KLHL20: variants seen among roughly 807,000 people sequenced by gnomAD.
KLHL20 encodes kelch-like protein 20.
In KLHL20, 29 loss-of-function variants were observed where a neutral mutation model predicts 69.5. The observed-to-expected ratio is 0.42, with a 90% CI of 0.31 to 0.57. The LOEUF (loss-of-function observed/expected upper bound fraction) is 0.57. Among genes scored for constraint, KLHL20 ranks in the 20% least tolerant of loss-of-function variants. KLHL20 has a pLI of 0.18. For synonymous variants in KLHL20, 253 were observed against 265.2 expected (o/e 0.95, Z 0.45); for missense variants, 419 against 776.0 (o/e 0.54, Z 5.47).
At chr1:173,766,647 GA>G (rs59947652) in intron 8 of KLHL20, among the ~76,000 whole-genome samples, 10,794 of 123,692 alleles carry the variant, frequency 0.087, 1,177 homozygotes, top group African/African-American at 0.27. Flanking sequence ...TATCAAGGGG[GA>G]AAAAAAAAAA....
chr1:173,774,225 T>A, intron 8 of KLHL20, 80 bp from the exon 9 acceptor site: 1 of 1,537,280 alleles, frequency 6.5e-7, no homozygotes, highest in South Asian at 1.1e-5. Flanking sequence ...ACTCAGTATA[T>A]CGTTAGTGTG....
At chr1:173,729,082 A>G (rs1318804933) in intron 2 of KLHL20, among the ~76,000 whole-genome samples, 1 of 152,230 alleles carries the variant, frequency 6.6e-6, no homozygotes, top group Admixed American at 6.5e-5. Flanking sequence ...CTACCATCAG[A>G]GAATACTATA....
intron 3 of KLHL20, among the ~76,000 whole-genome samples, chr1:173,750,500 T>G (rs1673257642): frequency 6.6e-6 from 1 of 151,674 alleles, no homozygotes; most frequent in Non-Finnish European, 1.5e-5. Flanking sequence ...TTTTTTTTTT[T>G]TTTGAGATGG....
At chr1:173,775,576 A>C in intron 9 of KLHL20, 58 bp from the exon 10 acceptor site, 1 of 1,421,190 alleles carries the variant, frequency 7.0e-7, no homozygotes, top group South Asian at 1.2e-5. Context: ...TATAAAGAAA[A>C]CTGGAGGTGA....
rs185771151 is a variant in KLHL20, at chr1:173,725,923, G to A, written c.24-7790G>A. 7.7e-4 allele frequency among the ~76,000 whole-genome samples: 117 copies of A among 152,302 alleles called. 1 individual carries two copies. The highest frequency in any genetic ancestry group is 2.5e-3 in the African/African-American group (103 of 41,554). On this transcript the variant is annotated intron_variant, in intron 2 of 11. Coordinates refer to ENST00000209884, the MANE Select transcript of KLHL20 (RefSeq NM_014458.4). ...TGCAGGACAGTGGGTGCAGCACACC[G>A]AGCGTGAGCCAAAGCAGGGCGAGGC...
At chr1:173,777,962 T>C (rs1648583791) in intron 10 of KLHL20, among the ~76,000 whole-genome samples, 1 of 152,190 alleles carries the variant, frequency 6.6e-6, no homozygotes, top group South Asian at 2.1e-4. Context: ...TCCTCTATGT[T>C]TGGAGTAGTT....
intron 3 of KLHL20, 46 bp from the exon 4 acceptor site, chr1:173,751,718 A>C (rs763066557): frequency 1.3e-6 from 2 of 1,583,856 alleles, no homozygotes; most frequent in Non-Finnish European, 1.7e-6. Flanking sequence ...TGAGACAATA[A>C]ATGTGATCAC....
chr1:173,777,428 C>T (rs1041825471), intron 10 of KLHL20, among the ~76,000 whole-genome samples: 1 of 152,114 alleles, frequency 6.6e-6, no homozygotes, highest in Non-Finnish European at 1.5e-5. Context: ...ATTGCTCTAC[C>T]TAGGACTTCC....
chr1:173,715,471 A>G (rs1671426331), intron 1 of KLHL20: 1 of 152,326 alleles, frequency 6.6e-6, no homozygotes. Context: ...ACTGAAGGAA[A>G]TGCTTGTAAA....
At chr1:173,756,160 TATAGCTTGA>T in intron 6 of KLHL20, 122 bp downstream of exon 6, 1 of 692,728 alleles carries the variant, frequency 1.4e-6, no homozygotes, top group Admixed American at 2.5e-5. Context: ...TAAGTCAGCA[TATAGCTTGA>T]CTCATAACCC....
At chr1:173,774,202 A>G (rs1648299013) in intron 8 of KLHL20, 103 bp from the exon 9 acceptor site, 1 of 1,328,536 alleles carries the variant, frequency 7.5e-7, no homozygotes. Flanking sequence ...ATTTGACTAT[A>G]GCAAGTCCGT....
Position 173,766,167 on chromosome 1 carries a change from G to A in KLHL20, c.1173G>A (p.Gln391=). ...SVERYDPKTN[Q]WSSDVAPTST... is the part of the protein sequence containing the mutation. ...TCAGGTATGACCCCAAAACAAACCA[G>A]TGGAGCAGTGATGTGGCCCCTACAA... Residue 391 remains glutamine (Q), a synonymous_variant, in exon 8 of 12, where the codon CAG becomes CAA. Coordinates refer to ENST00000209884, the MANE Select transcript of KLHL20 (RefSeq NM_014458.4). 6.2e-7 allele frequency: 1 copy of A among 1,608,850 alleles called. No homozygotes were observed. The highest frequency in any genetic ancestry group is 8.5e-7 in the Non-Finnish European group (1 of 1,177,990).
chr1:173,779,871 A>T (rs1486504172), intron 10 of KLHL20, among the ~76,000 whole-genome samples: 1 of 152,184 alleles, frequency 6.6e-6, no homozygotes, highest in African/African-American at 2.4e-5. Flanking sequence ...TATAGTATAG[A>T]CCAGATCAGA....
rs7524363 is a variant in KLHL20 at position 173,717,409 on chromosome 1, C to T, written c.23+1343C>T. Reference sequence around the variant, plus strand: ...TCTAGTGCTGTTAATCGTTAAGCTACGGCTCTTTCTTCATCACTGTCACTT... The same window carrying T: ...TCTAGTGCTGTTAATCGTTAAGCTATGGCTCTTTCTTCATCACTGTCACTT... On this transcript the variant is annotated intron_variant, in intron 2 of 11. Coordinates refer to ENST00000209884, the MANE Select transcript of KLHL20 (RefSeq NM_014458.4). Among the ~76,000 whole-genome samples, 495 of 152,300 alleles carry T rather than the reference C, an allele frequency of 3.3e-3. 2 individuals are homozygous for T. Among genetic ancestry groups the T allele is most frequent in the African/African-American group, 0.011 (475 of 41,564 alleles).
chr1:173,727,721 G>T (rs757623891), intron 2 of KLHL20, among the ~76,000 whole-genome samples: 3 of 152,136 alleles, frequency 2.0e-5, no homozygotes, highest in African/African-American at 7.2e-5. Context: ...GTCACCACCA[G>T]ACCTGCCCGA....
chr1:173,772,420 T>C (rs1202260142), intron 8 of KLHL20, among the ~76,000 whole-genome samples: 1 of 152,178 alleles, frequency 6.6e-6, no homozygotes, highest in Non-Finnish European at 1.5e-5. Context: ...CACTTAAATA[T>C]ATGAGTTCTT....
intron 3 of KLHL20, among the ~76,000 whole-genome samples, chr1:173,748,454 A>G (rs1673165760): frequency 6.6e-6 from 1 of 152,180 alleles, no homozygotes; most frequent in Non-Finnish European, 1.5e-5. Context: ...GGTTTATATT[A>G]TTAATTAATG....
rs1649201547 is a variant in KLHL20, at chr1:173,786,364, T to C, written c.*1117T>C. ...TTACTACTTCTCTCAAATTGCACTT[T>C]CTGGTAAAAAGTTAAAAATTTTTAA... On this transcript the variant is annotated 3_prime_UTR_variant, in exon 12 of 12. Coordinates refer to ENST00000209884, the MANE Select transcript of KLHL20 (RefSeq NM_014458.4). 6.6e-6 allele frequency: 1 copy of C among 152,648 alleles called. No individual in the cohort carries two copies. Among genetic ancestry groups the C allele is most frequent in the African/African-American group, 2.4e-5 (1 of 41,460 alleles). The allele number at this position is 152,648 out of a possible 1,614,324, so 9.5% of individuals were successfully genotyped here.
rs970427134 is a variant in KLHL20 at position 173,786,609 on chromosome 1, A to C, written c.*1362A>C. ...TTTCAAGGAAAAAAAGTATTGAGTA[A>C]ACAATTGTTTACATATATCATTTAT... On this transcript the variant is annotated 3_prime_UTR_variant, in exon 12 of 12. Coordinates refer to ENST00000209884, the MANE Select transcript of KLHL20 (RefSeq NM_014458.4). The C allele has an allele frequency of 2.0e-5, 3 of 152,616 alleles. No individual in the cohort carries two copies. The highest frequency in any genetic ancestry group is 7.2e-5 in the African/African-American group (3 of 41,460). 9.5% of individuals were successfully genotyped at this position (152,616 alleles called of 1,614,324 possible). A position where few individuals can be genotyped will look rare whatever the true frequency, so the allele number is the denominator to read the frequency against.
Sources: allele counts gnomAD v4.1 joint callset (sites outside exome capture counted in the v4.1 genomes callset), GRCh38; gene constraint gnomAD v4.1.1; transcripts MANE v1.5; gene names NCBI Gene and HGNC (gene_info 2026-07-23, HGNC 2026-07-21).